DHX58: variants seen among roughly 807,000 people sequenced by gnomAD.
DHX58 encodes DExH-box helicase 58.
A neutral mutation model predicts 65.0 loss-of-function variants in DHX58; 51 were observed. The ratio of observed to expected loss-of-function variants is 0.78; its 90% CI spans 0.63 to 0.99. The LOEUF (loss-of-function observed/expected upper bound fraction) is 0.99, where lower values mean the gene tolerates loss of function less well. DHX58 is among the 50% of genes least tolerant of loss of function. DHX58 has a pLI of 0.00. For synonymous variants in DHX58, 350 were observed against 365.0 expected (o/e 0.96, Z 0.47); for missense variants, 773 against 891.8 (o/e 0.87, Z 1.70).
In DHX58 at chr17:42,108,014, T is replaced by C; in HGVS notation, c.773A>G (p.Tyr258Cys). Residue 258 changes from tyrosine to cysteine, a missense_variant, in exon 7 of 14, where the codon TAT (tyrosine) becomes TGT (cysteine). By Grantham distance (194) the Tyr-to-Cys change is radical. Transcript: ENST00000251642. ...ACTCAGCTTCACCACCTGCTGCTCATACATTTGCGTCCCAAATTTCCGGCT... is the reference window on the plus strand; with the variant it reads ...ACTCAGCTTCACCACCTGCTGCTCACACATTTGCGTCCCAAATTTCCGGCT... ...ELSRKFGTQM[Y>C]EQQVVKLSEA... 1 of 1,614,234 alleles carries C rather than the reference T, an allele frequency of 6.2e-7. No homozygotes were observed. Among genetic ancestry groups the C allele is most frequent in the Non-Finnish European group, 8.5e-7 (1 of 1,180,042 alleles).
rs200674995 is a variant in DHX58, at chr17:42,110,864, G to C, written c.420C>G (p.Thr140=). Residue 140 remains threonine, a synonymous_variant, in exon 5 of 14, where the codon ACC becomes ACG. Coordinates refer to ENST00000251642, the MANE Select transcript of DHX58 (RefSeq NM_024119.3). ...ACTGGCTCATGATGACGTTGTAGAC[G>C]GTGTCCTTGTGCGTGTGGTGGCACT... ...VDECHHTHKD[T]VYNVIMSQYL... 1.2e-6 allele frequency: 2 copies of C among 1,613,662 alleles called. No homozygotes were observed. The highest frequency in any genetic ancestry group is 1.7e-6 in the Non-Finnish European group (2 of 1,179,762).
Position 42,105,968 on chromosome 17 carries a change from T to C in DHX58, c.1019A>G (p.His340Arg), listed in dbSNP as rs781880724. The C allele has an allele frequency of 6.2e-7, 1 of 1,613,370 alleles. No individual in the cohort carries two copies. Among genetic ancestry groups the C allele is most frequent in the Non-Finnish European group, 8.5e-7 (1 of 1,179,806 alleles). ...LFDDRKNELAHLATHGPENPK... is the reference protein window; with the variant it reads ...LFDDRKNELARLATHGPENPK... ...ATTCTCTGGGCCATGAGTTGCCAAG[T>C]GGGCCAGCTCATTCTTGCGGTCTGT... Residue 340 changes from histidine (H) to arginine (R), a missense_variant, in exon 9 of 14, where the codon CAC (histidine) becomes CGC (arginine). By Grantham distance (29) the His-to-Arg change is conservative (BLOSUM62 0). Coordinates refer to ENST00000251642, the MANE Select transcript of DHX58 (RefSeq NM_024119.3).
At position 42,105,696 on chromosome 17, in the gene DHX58, A is replaced by T. The variant is rs200409832; in HGVS notation, c.1251+40T>A. 2.1e-5 allele frequency: 32 copies of T among 1,523,322 alleles called. No homozygotes were observed. The Admixed American group carries it at 3.6e-4, about 17-fold the overall frequency. The allele number at this position is 1,523,322 out of a possible 1,614,324, so 94.4% of individuals were successfully genotyped here. ...TGTTCCCCGCACTTCTCTCCTATGG[A>T]ATCCCTCCCAGCGCCAGCATCTTTC... On this transcript the variant is annotated intron_variant, in intron 9 of 13. Coordinates refer to ENST00000251642, the MANE Select transcript of DHX58 (RefSeq NM_024119.3).
chr17:42,102,398 T>C, intron 12 of DHX58, 86 bp from the exon 13 acceptor site: 3 of 1,222,484 alleles, frequency 2.5e-6, no homozygotes, highest in South Asian at 2.4e-5. Flanking sequence ...AGTCTCTGCC[T>C]GGACCTTGGG....
chr17:42,111,230 GCCCTGGGGTTGGCGAAAGGAGGTA>G, intron 4 of DHX58, 42 bp downstream of exon 4: 1 of 1,556,482 alleles, frequency 6.4e-7, no homozygotes, highest in East Asian at 2.3e-5. Flanking sequence ...TCCAGGAGGT[GCCCTGGGGTTGGCGAAAGGAGGTA>G]CCCCAGATGC....
chr17:42,108,111 G>A lies in DHX58; in HGVS notation c.679-3C>T, dbSNP rs1161670098. 27 of 1,614,108 alleles carry A rather than the reference G, an allele frequency of 1.7e-5. No individual in the cohort carries two copies. Among genetic ancestry groups the A allele is most frequent in the Non-Finnish European group, 2.1e-5 (25 of 1,180,054 alleles). Reference sequence around the variant, plus strand: ...TTCAGCAAGTCCCCAAACGGATCCTGAGCAAGAGGAGAGTTGGAGGGGATT... The same window carrying A: ...TTCAGCAAGTCCCCAAACGGATCCTAAGCAAGAGGAGAGTTGGAGGGGATT... On this transcript the variant is annotated splice_polypyrimidine_tract_variant and splice_region_variant and intron_variant, in intron 6 of 13. Coordinates refer to ENST00000251642, the MANE Select transcript of DHX58 (RefSeq NM_024119.3).
At position 42,109,253 on chromosome 17, in the gene DHX58, T is replaced by A; in HGVS notation, c.678+17A>T. 1 of 1,604,860 alleles carries A rather than the reference T, an allele frequency of 6.2e-7. No homozygotes were observed. On this transcript the variant is annotated intron_variant, in intron 6 of 13. Transcript: ENST00000251642. ...CACACCGGCTCCCGCTCTCGCCGTG[T>A]CCCTGCCCCCGCGTACCTGGCTGCG... is the stretch of plus-strand genomic sequence containing the variant.
intron 5 of DHX58, among the ~76,000 whole-genome samples, chr17:42,109,680 G>C (rs1005444201): frequency 1.3e-5 from 2 of 152,052 alleles, no homozygotes; most frequent in African/African-American, 4.8e-5. Flanking sequence ...CGGGTCACCT[G>C]AGGTCAGGAG....
chr17:42,106,912 C>T (rs1363257737), intron 8 of DHX58, among the ~76,000 whole-genome samples: 1 of 152,214 alleles, frequency 6.6e-6, no homozygotes, highest in Non-Finnish European at 1.5e-5. Flanking sequence ...CCTCTTCTCC[C>T]CAGTGACCAG....
chr17:42,109,484 G>A (rs1231604186), intron 5 of DHX58, 98 bp from the exon 6 acceptor site: 7 of 968,736 alleles, frequency 7.2e-6, no homozygotes, highest in Non-Finnish European at 1.1e-5. Flanking sequence ...ACAGGAGAAT[G>A]TGGGCATTCG....
chr17:42,107,694 A>G lies in DHX58; in HGVS notation c.907T>C (p.Leu303=). Residue 303 remains leucine, a synonymous_variant, in exon 8 of 14, where the codon TTG becomes CTG. Transcript: ENST00000251642. ...IHDTVRAVDA[L]AALQDFYHRE... ...TGATAGAAATCCTGCAGCGCAGCCAAGGCATCCACGGCGCGGACGGTGTCA... is the reference window on the plus strand; with the variant it reads ...TGATAGAAATCCTGCAGCGCAGCCAGGGCATCCACGGCGCGGACGGTGTCA... The G allele has an allele frequency of 1.2e-6, 2 of 1,612,768 alleles. No homozygotes were observed. The highest frequency in any genetic ancestry group is 2.2e-5 in the South Asian group (2 of 90,738).
Position 42,101,506 on chromosome 17 carries a change from T to C in DHX58, c.*255A>G. The C allele has an allele frequency of 2.6e-6, 1 of 377,994 alleles. No individual in the cohort carries two copies. The highest frequency in any genetic ancestry group is 8.2e-5 in the South Asian group (1 of 12,188). The allele number at this position is 377,994 out of a possible 1,614,324, so 23.4% of individuals were successfully genotyped here. On this transcript the variant is annotated 3_prime_UTR_variant, in exon 14 of 14. Transcript: ENST00000251642. ...GTGATTCTGAGTACAGTATGGCAAA[T>C]TCTTTTGCCTCAGTTTCCCTAACTC...
Position 42,101,949 on chromosome 17 carries a change from G to T in DHX58, c.1852-3C>A. 5 of 1,607,188 alleles carry T rather than the reference G, an allele frequency of 3.1e-6. No homozygotes were observed. Among genetic ancestry groups the T allele is most frequent in the Non-Finnish European group, 4.3e-6 (5 of 1,176,198 alleles). On this transcript the variant is annotated splice_region_variant and splice_polypyrimidine_tract_variant and intron_variant, in intron 13 of 13. Transcript: ENST00000251642. ...TAGATCATCTGCAGACCCCAGACCT[G>T]GAGGTGAGACAGAGAGGGTAGGGTC...
At position 42,107,454 on chromosome 17, in the gene DHX58, C is replaced by T. The variant is rs920063060; in HGVS notation, c.997+150G>A. On this transcript the variant is annotated intron_variant, in intron 8 of 13. Transcript: ENST00000251642. The stretch of plus-strand genomic sequence containing the variant: ...AATGAGGAAATAAATCAGTCCTACC[C>T]ATGGCCTTGGATTTTGGTTAGAAAA... The T allele has an allele frequency of 2.4e-5, 20 of 836,156 alleles. No individual in the cohort carries two copies. The African/African-American group carries it at 2.8e-4, about 12-fold the overall frequency. The allele number at this position is 836,156 out of a possible 1,614,324, so 51.8% of individuals were successfully genotyped here. A position where few individuals can be genotyped will look rare whatever the true frequency, so the allele number is the denominator to read the frequency against.
chr17:42,111,417 G>A lies in DHX58; in HGVS notation c.249C>T (p.Asp83=), dbSNP rs782582863. Reference sequence around the variant, plus strand: ...GGCCAAAGCCAGCACGTGGTCCCATGTCCCCACTCAGGGTTGTCACGGTCC... The same window carrying A: ...GGCCAAAGCCAGCACGTGGTCCCATATCCCCACTCAGGGTTGTCACGGTCC... The part of the protein sequence containing the change: ...GRWTVTTLSG[D]MGPRAGFGHL... The change falls in exon 4 of 14, where the codon GAC becomes GAT. Residue 83 remains aspartate, a synonymous_variant. Transcript: ENST00000251642. 4.3e-6 allele frequency: 7 copies of A among 1,614,224 alleles called. No individual in the cohort carries two copies. The highest frequency in any genetic ancestry group is 5.9e-6 in the Non-Finnish European group (7 of 1,180,036).
intron 8 of DHX58, among the ~76,000 whole-genome samples, chr17:42,107,114 C>T (rs1299593671): frequency 6.6e-6 from 1 of 152,124 alleles, no homozygotes; most frequent in African/African-American, 2.4e-5. Flanking sequence ...GTAATCCCAG[C>T]ACTTTGGGAG....
chr17:42,103,894 G>T, intron 11 of DHX58, 96 bp from the exon 12 acceptor site: 2 of 1,355,096 alleles, frequency 1.5e-6, no homozygotes, highest in Non-Finnish European at 2.0e-6. Context: ...TTTGTACCTG[G>T]AAGAGACTTT....
At position 42,101,630 on chromosome 17, in the gene DHX58, G is replaced by A. The variant is rs1291779875; in HGVS notation, c.*131C>T. On this transcript the variant is annotated 3_prime_UTR_variant, in exon 14 of 14. Coordinates refer to ENST00000251642, the MANE Select transcript of DHX58 (RefSeq NM_024119.3). Reference sequence around the variant, plus strand: ...TCCCATTGCGGGAGCCTAAGCCAGGGTGCCCAGGACTCCTGTGTGGCTGGT... The same window carrying A: ...TCCCATTGCGGGAGCCTAAGCCAGGATGCCCAGGACTCCTGTGTGGCTGGT... 4 of 1,269,540 alleles carry A rather than the reference G, an allele frequency of 3.2e-6. No individual in the cohort carries two copies. The highest frequency in any genetic ancestry group is 1.5e-5 in the African/African-American group (1 of 67,136). 78.6% of individuals were successfully genotyped at this position (1,269,540 alleles called of 1,614,324 possible). A position where few individuals can be genotyped will look rare whatever the true frequency, so the allele number is the denominator to read the frequency against.
At chr17:42,110,192 A>G (rs2054127983) in intron 5 of DHX58, among the ~76,000 whole-genome samples, 1 of 151,638 alleles carries the variant, frequency 6.6e-6, no homozygotes, top group Admixed American at 6.6e-5. Flanking sequence ...ATCTCAAAAA[A>G]AAAAAAAAAA....
Sources: allele counts gnomAD v4.1 joint callset (sites outside exome capture counted in the v4.1 genomes callset), GRCh38; gene constraint gnomAD v4.1.1; transcripts MANE v1.5; gene names NCBI Gene and HGNC (gene_info 2026-07-23, HGNC 2026-07-21).